ZC3HAV1: variants seen among roughly 807,000 people sequenced by gnomAD.
ZC3HAV1 encodes zinc finger CCCH-type containing, antiviral 1.
A neutral mutation model predicts 86.6 loss-of-function variants in ZC3HAV1; 41 were observed. The observed-to-expected ratio is 0.47, with a 90% CI of 0.37 to 0.61. The LOEUF (loss-of-function observed/expected upper bound fraction) is 0.61, where lower values mean the gene tolerates loss of function less well. Ranked by LOEUF, ZC3HAV1 falls within the 20% of genes least tolerant of loss-of-function variation. The pLI, the probability that ZC3HAV1 is intolerant of heterozygous loss-of-function variation, is 0.00. For synonymous variants in ZC3HAV1, 421 were observed against 432.1 expected (o/e 0.97, Z 0.32); for missense variants, 964 against 1,141.1 (o/e 0.84, Z 2.24).
intron 12 of ZC3HAV1, among the ~76,000 whole-genome samples, chr7:139,052,108 T>C (rs1816139168): frequency 6.6e-6 from 1 of 152,078 alleles, no homozygotes; most frequent in Non-Finnish European, 1.5e-5. Flanking sequence ...TCATAAATAT[T>C]TCTCTTTTTT....
intron 1 of ZC3HAV1, among the ~76,000 whole-genome samples, chr7:139,091,314 C>G (rs1016712728): frequency 2.6e-5 from 4 of 152,188 alleles, no homozygotes; most frequent in Non-Finnish European, 5.9e-5. Flanking sequence ...CTGGCTAACA[C>G]TGTGAAACCA....
intron 1 of ZC3HAV1, among the ~76,000 whole-genome samples, chr7:139,093,638 G>C (rs1307791921): frequency 6.6e-6 from 1 of 152,134 alleles, no homozygotes; most frequent in Non-Finnish European, 1.5e-5. Context: ...GCCCGCCAGA[G>C]AACAACCCCC....
chr7:139,079,199 C>A, intron 4 of ZC3HAV1: 1 of 1,536,296 alleles, frequency 6.5e-7, no homozygotes, highest in Non-Finnish European at 8.7e-7. Flanking sequence ...GACTGCAGCT[C>A]TGTTGCTTGA....
At chr7:139,052,527 C>A (rs1446512585) in intron 12 of ZC3HAV1, among the ~76,000 whole-genome samples, 1 of 148,570 alleles carries the variant, frequency 6.7e-6, no homozygotes, top group Non-Finnish European at 1.5e-5. Context: ...ATCACTTGAA[C>A]CAAGGAGGTG....
intron 12 of ZC3HAV1, among the ~76,000 whole-genome samples, chr7:139,050,851 A>G (rs1001670749): frequency 5.3e-5 from 8 of 152,222 alleles, no homozygotes; most frequent in African/African-American, 1.9e-4. Flanking sequence ...TAAACTTATG[A>G]AATCTCATCA....
chr7:139,097,429 T>TATATA (rs1491244234), intron 1 of ZC3HAV1, among the ~76,000 whole-genome samples: 15 of 56,834 alleles, frequency 2.6e-4, no homozygotes, highest in African/African-American at 1.2e-3. Flanking sequence ...TATATATATA[T>TATATA]TTTTTTTTTT....
At chr7:139,079,218 C>T in intron 4 of ZC3HAV1, 1 of 1,536,452 alleles carries the variant, frequency 6.5e-7, no homozygotes, top group Non-Finnish European at 8.7e-7. Context: ...GAGGAAAGGG[C>T]AGCAGGTGAC....
chr7:139,051,976 T>C (rs1183017479), intron 12 of ZC3HAV1, among the ~76,000 whole-genome samples: 2 of 152,170 alleles, frequency 1.3e-5, no homozygotes, highest in Non-Finnish European at 2.9e-5. Context: ...GTTTTTTTTT[T>C]GTTTTTTTAA....
chr7:139,077,071 C>T (rs1816974074), intron 5 of ZC3HAV1, among the ~76,000 whole-genome samples: 1 of 152,158 alleles, frequency 6.6e-6, no homozygotes, highest in African/African-American at 2.4e-5. Flanking sequence ...GAAGCCCTGG[C>T]CTACAGTTCA....
At chr7:139,092,322 C>T (rs766132066) in intron 1 of ZC3HAV1, among the ~76,000 whole-genome samples, 4 of 152,146 alleles carry the variant, frequency 2.6e-5, no homozygotes, top group Non-Finnish European at 4.4e-5. Flanking sequence ...CTGTCTGGCT[C>T]TCTTAGCTAA....
chr7:139,087,113 T>C (rs544182951), intron 2 of ZC3HAV1, among the ~76,000 whole-genome samples: 29 of 152,068 alleles, frequency 1.9e-4, no homozygotes, highest in Non-Finnish European at 3.5e-4. Context: ...AGCCTCCGGG[T>C]TAACACTAGA....
chr7:139,080,418 C>T (rs768393160), intron 3 of ZC3HAV1, among the ~76,000 whole-genome samples, 175 bp from the exon 4 acceptor site: 6 of 151,976 alleles, frequency 3.9e-5, no homozygotes, highest in South Asian at 2.1e-4. Context: ...TTGACACTGA[C>T]GGTTTTTTTT....
rs1482327874 is a variant in ZC3HAV1 at position 139,103,138 on chromosome 7, T to G, written c.308+5886A>C. ...CACTGTAACCTCAAAATTCCTGGGA[T>G]CAAACAATCCTTCTGCCTCAGCCTC... On this transcript the variant is annotated intron_variant, in intron 1 of 12. Transcript: ENST00000242351. Among the ~76,000 whole-genome samples, 4 of 151,162 alleles carry G rather than the reference T, an allele frequency of 2.6e-5. No homozygotes were observed. The East Asian group carries it at 7.7e-4, about 29-fold the overall frequency.
chr7:139,057,990 T>C (rs1489180745), intron 9 of ZC3HAV1, among the ~76,000 whole-genome samples: 2 of 152,128 alleles, frequency 1.3e-5, no homozygotes, highest in African/African-American at 4.8e-5. Context: ...ATAGACTGAA[T>C]GAATATGTTG....
rs538987584 is a variant in ZC3HAV1, at chr7:139,053,541, A to G, written c.2359T>C (p.Tyr787His). 2 of 1,604,124 alleles carry G rather than the reference A, an allele frequency of 1.2e-6. No homozygotes were observed. The highest frequency in any genetic ancestry group is 2.2e-5 in the South Asian group (2 of 89,048). Reference sequence around the variant, plus strand: ...TCCACATAGGCACGGCTTGTCGCATAAAATAGGAGTTTTCCTTCTTCCTTC... The same window carrying G: ...TCCACATAGGCACGGCTTGTCGCATGAAATAGGAGTTTTCCTTCTTCCTTC... Reference protein sequence around the residue: ...QMKEEGKLLFYATSRAYVESI... With the variant: ...QMKEEGKLLFHATSRAYVESI... The change falls in exon 12 of 13, where the codon TAT (tyrosine) becomes CAT (histidine). Residue 787 changes from tyrosine (Y) to histidine (H), a missense_variant. By Grantham distance (83) the Tyr-to-His change is moderately conservative. Transcript: ENST00000242351.
chr7:139,086,556 C>G (rs187345380), intron 2 of ZC3HAV1, among the ~76,000 whole-genome samples: 20 of 152,228 alleles, frequency 1.3e-4, no homozygotes, highest in Non-Finnish European at 1.3e-4. Flanking sequence ...CTTCTGGGAT[C>G]CCTTACACAA....
At chr7:139,063,070 G>GAAAAGAAAAGA (rs1554440856) in intron 8 of ZC3HAV1, among the ~76,000 whole-genome samples, 4 of 126,996 alleles carry the variant, frequency 3.1e-5, no homozygotes, top group African/African-American at 1.1e-4. Context: ...GAAAGAAAAA[G>GAAAAGAAAAGA]AAAAGAAAAG....
At chr7:139,081,820 C>T (rs1817135615) in intron 3 of ZC3HAV1, among the ~76,000 whole-genome samples, 1 of 152,142 alleles carries the variant, frequency 6.6e-6, no homozygotes, top group Admixed American at 6.5e-5. Context: ...TAAACCATTT[C>T]CCAAATATAA....
chr7:139,054,074 G>A lies in ZC3HAV1; in HGVS notation c.2209C>T (p.His737Tyr). The A allele has an allele frequency of 6.3e-7, 1 of 1,583,558 alleles. No individual in the cohort carries two copies. Among genetic ancestry groups the A allele is most frequent in the East Asian group, 2.3e-5 (1 of 43,758 alleles). The change falls in exon 11 of 13, where the codon CAT becomes TAT. Residue 737 changes from histidine to tyrosine, a missense_variant. Transcript: ENST00000242351. ...TCACTTACTCTGACATATTCTGGAT[G>A]TAGGTGATGGATCTCTGACAACTAA... Reference protein sequence around the residue: ...KYKLSEIHHLHPEYVRVSEHF... With the variant: ...KYKLSEIHHLYPEYVRVSEHF...
Sources: gnomAD v4.1 joint callset for allele counts (sites outside exome capture counted in the v4.1 genomes callset) on GRCh38, gnomAD v4.1.1 for gene constraint, MANE v1.5 for transcripts, NCBI Gene and HGNC (gene_info 2026-07-23, HGNC 2026-07-21) for gene names.